ELP1: variants seen among roughly 807,000 people sequenced by gnomAD.
The protein encoded by ELP1 is elongator acetyltransferase complex subunit 1, also known as elongator complex protein 1.
ELP1 carries 131 observed loss-of-function variants against 183.2 expected under a neutral mutation model. The ratio of observed to expected loss-of-function variants is 0.72; its 90% confidence interval spans 0.62 to 0.83. The LOEUF (loss-of-function observed/expected upper bound fraction) is 0.83, where lower values mean the gene tolerates loss of function less well. ELP1 is among the 40% of genes least tolerant of loss of function. The probability of loss-of-function intolerance (pLI) is 0.00; values close to 1 mark genes in which losing one functional copy is unlikely to be tolerated. For synonymous variants in ELP1, 555 were observed against 569.0 expected (o/e 0.98, Z 0.35); for missense variants, 1,550 against 1,594.9 (o/e 0.97, Z 0.48).
chr9:108,874,823 A>T, intron 36 of ELP1, 72 bp downstream of exon 36: 6 of 1,037,316 alleles, frequency 5.8e-6, no homozygotes, highest in Non-Finnish European at 9.1e-6. Context: ...TATACTGCTG[A>T]TCTTCTCAAT....
rs751861417 is a variant in ELP1, at chr9:108,906,287, G to A, written c.1643+16C>T. The A allele has an allele frequency of 4.3e-6, 7 of 1,613,336 alleles. No homozygotes were observed. In the Admixed American group the frequency reaches 8.3e-5, roughly 19 times the overall value. ...CATTTGCTTAACATGTGGAGTACAG[G>A]GAAAAACTGCAATACCTGACATTGA... On this transcript the variant is annotated intron_variant, in intron 14 of 36. Transcript: ENST00000374647.
chr9:108,904,093 G>C (rs10512389), intron 14 of ELP1, among the ~76,000 whole-genome samples: 1 of 152,004 alleles, frequency 6.6e-6, no homozygotes, highest in South Asian at 2.1e-4. Context: ...AGTTAAAGCA[G>C]CTGGTCTGTA....
At chr9:108,898,030 C>G (rs1326476736) in intron 22 of ELP1, among the ~76,000 whole-genome samples, 1 of 152,158 alleles carries the variant, frequency 6.6e-6, no homozygotes, top group Admixed American at 6.5e-5. Flanking sequence ...AGCAATTTGT[C>G]TACAAACAAG....
chr9:108,911,141 G>A lies in ELP1; in HGVS notation c.1229C>T (p.Pro410Leu), dbSNP rs375957332. The A allele has an allele frequency of 4.4e-5, 71 of 1,613,996 alleles. No individual in the cohort carries two copies. The highest frequency in any genetic ancestry group is 5.2e-5 in the Non-Finnish European group (61 of 1,180,008). The change falls in exon 12 of 37, where the codon CCG becomes CTG. Residue 410 changes from proline (P) to leucine (L), a missense_variant. Physicochemically the swap from Pro to Leu is moderately conservative, Grantham distance 98. Coordinates refer to ENST00000374647, the MANE Select transcript of ELP1 (RefSeq NM_003640.5). ...LVTVFRQTVV[P>L]PPMCTYQLLF... Reference sequence around the variant, plus strand: ...CAGTTGGTAGGTGCACATGGGAGGCGGAACCACAGTCTGCCGGAAGACTGT... The same window carrying A: ...CAGTTGGTAGGTGCACATGGGAGGCAGAACCACAGTCTGCCGGAAGACTGT...
chr9:108,877,826 T>C (rs1398131238), intron 35 of ELP1, among the ~76,000 whole-genome samples, 169 bp downstream of exon 35: 11 of 152,250 alleles, frequency 7.2e-5, no homozygotes, highest in Admixed American at 6.5e-4. Flanking sequence ...CTAGTCACTC[T>C]ACAGGCAAAT....
chr9:108,891,153 A>C (rs749945325), intron 28 of ELP1, 50 bp downstream of exon 28: 5 of 1,571,068 alleles, frequency 3.2e-6, no homozygotes, highest in Admixed American at 3.3e-5. Context: ...CAAAAGAAAT[A>C]AATTTTTTAA....
At chr9:108,922,730 CAGA>C (rs747947836) in intron 6 of ELP1, 109 bp downstream of exon 6, 126 of 807,296 alleles carry the variant, frequency 1.6e-4, no homozygotes, top group African/African-American at 7.4e-4. Context: ...TTTACTAAAG[CAGA>C]AGAGAACTGT....
intron 11 of ELP1, among the ~76,000 whole-genome samples, chr9:108,911,663 C>T (rs796803081): frequency 2.8e-4 from 42 of 152,254 alleles, no homozygotes; most frequent in African/African-American, 9.6e-4. Context: ...CCTCACATTA[C>T]AATCTTAGAA....
At chr9:108,933,355 C>T (rs1444352541) in intron 1 of ELP1, among the ~76,000 whole-genome samples, 1 of 152,236 alleles carries the variant, frequency 6.6e-6, no homozygotes. Flanking sequence ...TGGCCTACAT[C>T]CAACACCGAC....
chr9:108,913,644 A>G (rs900112549), intron 10 of ELP1, among the ~76,000 whole-genome samples: 14 of 149,472 alleles, frequency 9.4e-5, no homozygotes, highest in Admixed American at 1.3e-4. Context: ...GTGTGTGTGT[A>G]TATATATATA....
In ELP1 at chr9:108,899,947, T is replaced by C. The variant is rs778891395; in HGVS notation, c.2131-52A>G. The C allele has an allele frequency of 2.8e-6, 4 of 1,411,640 alleles. No individual in the cohort carries two copies. In the East Asian group the frequency reaches 9.2e-5, roughly 32 times the overall value. 87.4% of individuals were successfully genotyped at this position (1,411,640 alleles called of 1,614,324 possible). ...TTTAATTAAGTAGAAAACATTTAAATAGCCAGGATACACCATTTTACCTAA... is the reference window on the plus strand; with the variant it reads ...TTTAATTAAGTAGAAAACATTTAAACAGCCAGGATACACCATTTTACCTAA... On this transcript the variant is annotated intron_variant, in intron 19 of 36. Transcript: ENST00000374647.
At chr9:108,887,029 C>T (rs575133696) in intron 29 of ELP1, among the ~76,000 whole-genome samples, 1 of 151,648 alleles carries the variant, frequency 6.6e-6, no homozygotes, top group Non-Finnish European at 1.5e-5. Context: ...GGCAACATGG[C>T]AAAACCCCAT....
At chr9:108,900,994 G>C (rs755050472) in intron 18 of ELP1, among the ~76,000 whole-genome samples, 2 of 151,354 alleles carry the variant, frequency 1.3e-5, no homozygotes, top group Non-Finnish European at 2.9e-5. Context: ...CACAGAGATA[G>C]ATAGGGCATG....
rs1564207087 is a variant in ELP1, at chr9:108,872,803, T to TCAA, written c.3931+2091_3931+2092insTTG. ...CTGGGCCACAGAGCAAGACTCTGTC[T>TCAA]GAAAAAAAAAAAAAAAAAAAAAAAA... On this transcript the variant is annotated intron_variant, in intron 36 of 36. Coordinates refer to ENST00000374647, the MANE Select transcript of ELP1 (RefSeq NM_003640.5). Among the ~76,000 whole-genome samples, 65 of 62,778 alleles carry TCAA rather than the reference T, an allele frequency of 1.0e-3. 5 individuals are homozygous for TCAA. Among genetic ancestry groups the TCAA allele is most frequent in the African/African-American group, 3.7e-3 (47 of 12,866 alleles). 41.2% of individuals were successfully genotyped at this position (62,778 alleles called of 152,430 possible).
At chr9:108,892,708 A>T (rs1352602795) in intron 27 of ELP1, among the ~76,000 whole-genome samples, 6 of 152,200 alleles carry the variant, frequency 3.9e-5, no homozygotes, top group Admixed American at 1.3e-4. Flanking sequence ...AAAGATCTGT[A>T]CTTGTTAGGA....
chr9:108,873,330 T>C (rs189390729), intron 36 of ELP1, among the ~76,000 whole-genome samples: 74 of 152,358 alleles, frequency 4.9e-4, no homozygotes, highest in African/African-American at 9.4e-4. Context: ...GCCAATATAC[T>C]TAACTATTGT....
chr9:108,903,712 C>G, intron 14 of ELP1, 43 bp from the exon 15 acceptor site: 1 of 1,404,750 alleles, frequency 7.1e-7, no homozygotes, highest in Non-Finnish European at 1.0e-6. Context: ...GACCATTTTT[C>G]TCAAAAATAG....
At chr9:108,909,857 G>T (rs1188724413) in intron 12 of ELP1, among the ~76,000 whole-genome samples, 1 of 152,136 alleles carries the variant, frequency 6.6e-6, no homozygotes, top group Non-Finnish European at 1.5e-5. Context: ...ATGCAGGGTG[G>T]TACAGGGTTT....
At chr9:108,881,660 C>T (rs754711330) in intron 31 of ELP1, 45 bp downstream of exon 31, 3 of 1,191,752 alleles carry the variant, frequency 2.5e-6, no homozygotes, top group Admixed American at 1.7e-5. Flanking sequence ...TCTCTCTCCT[C>T]ACCTTCTTCC....
Sources: allele counts gnomAD v4.1 joint callset (sites outside exome capture counted in the v4.1 genomes callset), GRCh38; gene constraint gnomAD v4.1.1; transcripts MANE v1.5; gene names NCBI Gene and HGNC (gene_info 2026-07-23, HGNC 2026-07-21).